SHROOM4: variants seen among roughly 807,000 people sequenced by gnomAD.
The protein encoded by SHROOM4 is protein Shroom4.
A neutral mutation model predicts 80.3 loss-of-function variants in SHROOM4; 17 were observed. That is an observed-to-expected ratio of 0.21 (90% confidence interval 0.14 to 0.32). SHROOM4 has a LOEUF of 0.32. SHROOM4 is among the 10% of genes least tolerant of loss of function. SHROOM4 has a pLI of 1.00. For synonymous variants in SHROOM4, 400 were observed against 437.5 expected, an observed-to-expected ratio of 0.91 and a Z score of 1.07; for missense variants, 993 against 1,140.3, an observed-to-expected ratio of 0.87 and a Z score of 1.86.
chrX:50,636,244 G>C (rs1225867844), intron 3 of SHROOM4, among the ~76,000 whole-genome samples: 1 of 110,373 alleles, frequency 9.1e-6, no homozygotes, highest in African/African-American at 3.3e-5. Context: ...GTGCTGCTGG[G>C]GCTGCTTGCT....
At position 50,748,036 on chromosome X, in the gene SHROOM4, T is replaced by C. The variant is rs1255788140; in HGVS notation, c.118-52099A>G. 3.6e-5 allele frequency among the ~76,000 whole-genome samples: 4 copies of C among 112,170 alleles called. No homozygotes were observed. The East Asian group carries it at 1.1e-3, about 31-fold the overall frequency. On this transcript the variant is annotated intron_variant, in intron 1 of 8. Coordinates refer to ENST00000376020, the MANE Select transcript of SHROOM4 (RefSeq NM_020717.5). ...TTGCCTGAAAAGTACTGCTTTATTCTAAAGTGTCAAAACTGGAAGCTTATA... is the reference window on the plus strand; with the variant it reads ...TTGCCTGAAAAGTACTGCTTTATTCCAAAGTGTCAAAACTGGAAGCTTATA...
chrX:50,743,093 T>C (rs1178731805), intron 1 of SHROOM4, among the ~76,000 whole-genome samples: 1 of 84,923 alleles, frequency 1.2e-5, no homozygotes, highest in Non-Finnish European at 2.4e-5. Flanking sequence ...CCTTTTGACA[T>C]AACCCATTCA....
rs1006160046 is a variant in SHROOM4, at chrX:50,594,976, G to A, written c.*1719C>T. The stretch of plus-strand genomic sequence containing the variant: ...CAAATACAATGAAGAGGAAATGGAA[G>A]CTAGTGACAAGTATTTGTAACAGCA... On this transcript the variant is annotated 3_prime_UTR_variant, in exon 9 of 9. Transcript: ENST00000376020. 3 of 112,667 alleles carry A rather than the reference G, an allele frequency of 2.7e-5. No individual in the cohort carries two copies. The highest frequency in any genetic ancestry group is 3.8e-5 in the Non-Finnish European group (2 of 53,301). 9.3% of individuals were successfully genotyped at this position (112,667 alleles called of 1,213,427 possible).
rs1935684163 is a variant in SHROOM4, at chrX:50,783,938, A to T, written c.117+29964T>A. Among the ~76,000 whole-genome samples the T allele has an allele frequency of 6.2e-5, 7 of 112,213 alleles. No homozygotes were observed. The South Asian group carries it at 2.6e-3, about 41-fold the overall frequency. On this transcript the variant is annotated intron_variant, in intron 1 of 8. Transcript: ENST00000376020. Reference sequence around the variant, plus strand: ...AGCCAAAACACCTTTAAAAAGAACAAAGTTGGAGGACTTATACGACTTGAT... The same window carrying T: ...AGCCAAAACACCTTTAAAAAGAACATAGTTGGAGGACTTATACGACTTGAT...
intron 1 of SHROOM4, among the ~76,000 whole-genome samples, chrX:50,754,261 G>A (rs1424733888): frequency 9.0e-6 from 1 of 111,571 alleles, no homozygotes; most frequent in Non-Finnish European, 1.9e-5. Context: ...TTAGGAAGGA[G>A]CTACAGAACT....
intron 2 of SHROOM4, among the ~76,000 whole-genome samples, chrX:50,675,000 A>G (rs1932837718): frequency 1.8e-5 from 2 of 112,297 alleles, no homozygotes; most frequent in African/African-American, 6.5e-5. Context: ...CTTAGCAGGT[A>G]AAGGAGTGGG....
intron 2 of SHROOM4, among the ~76,000 whole-genome samples, chrX:50,685,624 A>C (rs1489623700): frequency 8.9e-6 from 1 of 112,185 alleles, no homozygotes; most frequent in Admixed American, 9.4e-5. Flanking sequence ...AGAAACCTTG[A>C]CTGGTAAGAA....
chrX:50,702,243 A>G (rs1391224900), intron 1 of SHROOM4, among the ~76,000 whole-genome samples: 1 of 111,980 alleles, frequency 8.9e-6, no homozygotes, highest in Non-Finnish European at 1.9e-5. Flanking sequence ...AATGTACAGC[A>G]ATTTGATCTC....
At chrX:50,653,061 G>A (rs781868258) in intron 2 of SHROOM4, among the ~76,000 whole-genome samples, 8 of 111,071 alleles carry the variant, frequency 7.2e-5, no homozygotes, top group African/African-American at 2.3e-4. Context: ...CTCTTTTTTT[G>A]GTTCCATATG....
chrX:50,709,825 A>C (rs183265392), intron 1 of SHROOM4, among the ~76,000 whole-genome samples: 1 of 112,263 alleles, frequency 8.9e-6, no homozygotes, highest in Non-Finnish European at 1.9e-5. Flanking sequence ...TGGTACCTGG[A>C]CCAGTAGCAT....
At chrX:50,766,027 G>A (rs1935267877) in intron 1 of SHROOM4, among the ~76,000 whole-genome samples, 1 of 111,593 alleles carries the variant, frequency 9.0e-6, no homozygotes, top group South Asian at 3.8e-4. Flanking sequence ...CTTAACGGAA[G>A]GGATTGTGTT....
rs1929006224 is a variant in SHROOM4 at position 50,594,372 on chromosome X, C to T, written c.*2323G>A. 8.9e-6 allele frequency: 1 copy of T among 112,301 alleles called. No homozygotes were observed. The highest frequency in any genetic ancestry group is 1.9e-5 in the Non-Finnish European group (1 of 53,283). 9.3% of individuals were successfully genotyped at this position (112,301 alleles called of 1,213,427 possible). ...TTTTTAAATGCTTTGGCAACTTTCC[C>T]TCCATGTGAAAATGAGCATCCTTGT... On this transcript the variant is annotated 3_prime_UTR_variant, in exon 9 of 9. Coordinates refer to ENST00000376020, the MANE Select transcript of SHROOM4 (RefSeq NM_020717.5).
chrX:50,628,890 C>T (rs1479059628), intron 4 of SHROOM4, among the ~76,000 whole-genome samples: 1 of 112,057 alleles, frequency 8.9e-6, no homozygotes, highest in Non-Finnish European at 1.9e-5. Flanking sequence ...TTTTAAAGGA[C>T]CACAGCAGTC....
chrX:50,642,910 C>G (rs986087100), intron 2 of SHROOM4, among the ~76,000 whole-genome samples: 1 of 111,867 alleles, frequency 8.9e-6, no homozygotes, highest in Non-Finnish European at 1.9e-5. Context: ...CACACGACCC[C>G]TCCTCTCCAA....
chrX:50,813,158 AGTGGCGGCGGCGGCGGCGGCGGCG>A (rs1403523996), intron 1 of SHROOM4, among the ~76,000 whole-genome samples: 1 of 65,819 alleles, frequency 1.5e-5, no homozygotes, highest in African/African-American at 5.0e-5. Context: ...CGGCGGCGGC[AGTGGCGGCGGCGGCGGCGGCGGCG>A]GCGGCAGCGG....
At chrX:50,651,630 C>G (rs1358977309) in intron 2 of SHROOM4, among the ~76,000 whole-genome samples, 2 of 111,439 alleles carry the variant, frequency 1.8e-5, no homozygotes, top group African/African-American at 6.5e-5. Flanking sequence ...ATGTGCAGAA[C>G]GTGCAGGTTT....
At chrX:50,769,689 G>C (rs17003198) in intron 1 of SHROOM4, among the ~76,000 whole-genome samples, 5,809 of 111,362 alleles carry the variant, frequency 0.052, 391 homozygotes, top group African/African-American at 0.18. Flanking sequence ...GGAGTCTGTA[G>C]GGCCATCAAT....
chrX:50,812,144 T>C (rs2147755940), intron 1 of SHROOM4, among the ~76,000 whole-genome samples: 1 of 107,442 alleles, frequency 9.3e-6, no homozygotes, highest in East Asian at 3.0e-4. Context: ...AGGCAGACTG[T>C]GGAAATTCTG....
chrX:50,748,935 G>A (rs1557267859), intron 1 of SHROOM4, among the ~76,000 whole-genome samples: 1 of 112,495 alleles, frequency 8.9e-6, no homozygotes, highest in African/African-American at 3.2e-5. Context: ...AAGATGCTGG[G>A]CCCAGTGGCT....
Sources: gnomAD v4.1 joint callset for allele counts (sites outside exome capture counted in the v4.1 genomes callset) on GRCh38, gnomAD v4.1.1 for gene constraint, MANE v1.5 for transcripts, NCBI Gene and HGNC (gene_info 2026-07-23, HGNC 2026-07-21) for gene names.